The following MSI2 variants were observed in gnomAD, a reference collection of about 807,000 sequenced individuals.
The protein encoded by MSI2 is musashi RNA binding protein 2, also known as RNA-binding protein Musashi homolog 2.
A neutral mutation model predicts 45.6 loss-of-function variants in MSI2; 17 were observed. That is an observed-to-expected ratio of 0.37 (90% CI 0.26 to 0.56). MSI2 has a LOEUF of 0.56. MSI2 is among the 20% of genes least tolerant of loss of function. The probability of loss-of-function intolerance (pLI) is 0.77; values close to 1 mark genes in which losing one functional copy is unlikely to be tolerated. For missense variants in MSI2, 293 were observed against 444.2 expected (o/e 0.66, Z 3.06); for synonymous variants, 156 against 158.2 (o/e 0.99, Z 0.11).
chr17:57,481,913 A>C (rs2085655234), intron 6 of MSI2, among the ~76,000 whole-genome samples: 1 of 152,204 alleles, frequency 6.6e-6, no homozygotes. Context: ...TATAAATTGC[A>C]AGACAGCTTC....
intron 5 of MSI2, among the ~76,000 whole-genome samples, chr17:57,316,795 C>T (rs554461658): frequency 6.6e-5 from 10 of 152,064 alleles, no homozygotes; most frequent in Non-Finnish European, 1.3e-4. Context: ...GCTTGAGGTC[C>T]GGTTTTGTGG....
chr17:57,348,332 A>G (rs1284318891), intron 5 of MSI2, among the ~76,000 whole-genome samples: 1 of 152,076 alleles, frequency 6.6e-6, no homozygotes, highest in Non-Finnish European at 1.5e-5. Flanking sequence ...CAGGAGTTCT[A>G]GTGTTCAGCT....
chr17:57,468,172 G>C (rs2143665256), intron 6 of MSI2, among the ~76,000 whole-genome samples: 1 of 151,962 alleles, frequency 6.6e-6, no homozygotes, highest in East Asian at 2.0e-4. Flanking sequence ...ATGGAGGAAA[G>C]AGTCTCTACT....
At chr17:57,357,577 C>T (rs370754548) in intron 5 of MSI2, among the ~76,000 whole-genome samples, 2 of 152,156 alleles carry the variant, frequency 1.3e-5, no homozygotes, top group East Asian at 1.9e-4. Context: ...TTGCATAGGC[C>T]GCTGCTGCTT....
chr17:57,282,826 G>A (rs1282637700), intron 5 of MSI2, among the ~76,000 whole-genome samples: 1 of 22,164 alleles, frequency 4.5e-5, no homozygotes, highest in Non-Finnish European at 1.1e-4. Context: ...TTGGGGGGTG[G>A]GGGGCAGACT....
chr17:57,359,684 A>G (rs1598167229), intron 5 of MSI2, among the ~76,000 whole-genome samples: 1 of 152,224 alleles, frequency 6.6e-6, no homozygotes, highest in African/African-American at 2.4e-5. Flanking sequence ...TACAGCAGGC[A>G]TTGCTGCTTC....
At chr17:57,558,728 A>G (rs912550972) in intron 7 of MSI2, among the ~76,000 whole-genome samples, 1 of 152,222 alleles carries the variant, frequency 6.6e-6, no homozygotes, top group African/African-American at 2.4e-5. Flanking sequence ...TGAATCACAG[A>G]ACCTCCCAGT....
intron 6 of MSI2, among the ~76,000 whole-genome samples, chr17:57,455,740 G>A (rs1472401035): frequency 6.6e-6 from 1 of 152,180 alleles, no homozygotes; most frequent in African/African-American, 2.4e-5. Context: ...TTGGCCTCCT[G>A]TCTGCATGCT....
At chr17:57,674,603 A>ACTCTCT (rs761335564) in intron 11 of MSI2, among the ~76,000 whole-genome samples, 2 of 138,728 alleles carry the variant, frequency 1.4e-5, no homozygotes, top group Admixed American at 7.1e-5. Context: ...TGAAAAAAAA[A>ACTCTCT]CTCTCTCTCT....
intron 7 of MSI2, among the ~76,000 whole-genome samples, chr17:57,547,651 GA>G (rs1206720091): frequency 1.3e-5 from 2 of 151,456 alleles, no homozygotes; most frequent in South Asian, 2.1e-4. Context: ...TTGGTGGAAG[GA>G]ACACATTTTA....
At chr17:57,496,412 C>T (rs563461767) in intron 6 of MSI2, among the ~76,000 whole-genome samples, 111 of 152,284 alleles carry the variant, frequency 7.3e-4, no homozygotes, top group Middle Eastern at 6.8e-3. Flanking sequence ...TTGGCCCTGT[C>T]GAACCTTCCA....
rs566507469 is a variant in MSI2, at chr17:57,271,132, GC to G, written c.312+8943del. On this transcript the variant is annotated intron_variant, in intron 5 of 13. Coordinates refer to ENST00000284073, the MANE Select transcript of MSI2 (RefSeq NM_138962.4). ...TCTCTCCCTGTACTGGTCTTTATCT[GC>G]CCGGGGGTAGCTCTACCAATGACTG... Among the ~76,000 whole-genome samples, 512 of 152,246 alleles carry G rather than the reference GC, an allele frequency of 3.4e-3. 1 individual carries two copies. Among genetic ancestry groups the G allele is most frequent in the African/African-American group, 0.012 (483 of 41,540 alleles).
At chr17:57,644,971 A>G (rs927849715) in intron 10 of MSI2, among the ~76,000 whole-genome samples, 5 of 152,182 alleles carry the variant, frequency 3.3e-5, no homozygotes, top group African/African-American at 1.2e-4. Flanking sequence ...CTCCCAGACC[A>G]GTGTCTTCTC....
intron 7 of MSI2, among the ~76,000 whole-genome samples, chr17:57,572,573 G>C (rs2087906158): frequency 6.6e-6 from 1 of 152,200 alleles, no homozygotes; most frequent in African/African-American, 2.4e-5. Context: ...TTGAGACATG[G>C]CTGCAGCCTC....
chr17:57,677,240 C>T (rs182908656), intron 13 of MSI2, among the ~76,000 whole-genome samples, 181 bp downstream of exon 13: 1 of 152,320 alleles, frequency 6.6e-6, no homozygotes, highest in Admixed American at 6.5e-5. Context: ...TCTCTCATCT[C>T]TTCCTCCAGC....
At chr17:57,276,290 A>T (rs139651770) in intron 5 of MSI2, among the ~76,000 whole-genome samples, 180 of 152,318 alleles carry the variant, frequency 1.2e-3, no homozygotes, top group African/African-American at 4.1e-3. Context: ...TTTCTTGTTC[A>T]AATCAGCAGT....
At chr17:57,358,210 T>G (rs1008757640) in intron 5 of MSI2, among the ~76,000 whole-genome samples, 3 of 151,772 alleles carry the variant, frequency 2.0e-5, no homozygotes, top group African/African-American at 4.8e-5. Flanking sequence ...GGGGGGTGTG[T>G]GTGTGTGTGT....
At chr17:57,429,906 T>G (rs1017665539) in intron 6 of MSI2, among the ~76,000 whole-genome samples, 1 of 152,210 alleles carries the variant, frequency 6.6e-6, no homozygotes, top group Non-Finnish European at 1.5e-5. Flanking sequence ...CTGGCTGCCA[T>G]TCTTGCCCCC....
chr17:57,637,662 C>G (rs1009137561), intron 10 of MSI2, among the ~76,000 whole-genome samples: 2 of 152,222 alleles, frequency 1.3e-5, no homozygotes, highest in South Asian at 4.1e-4. Flanking sequence ...TCGGTTTCCC[C>G]ATCTGTCAAA....
Sources: gnomAD v4.1 joint callset for allele counts (sites outside exome capture counted in the v4.1 genomes callset) on GRCh38, gnomAD v4.1.1 for gene constraint, MANE v1.5 for transcripts, NCBI Gene and HGNC (gene_info 2026-07-23, HGNC 2026-07-21) for gene names.